TSHZ3: variants seen among roughly 807,000 people sequenced by gnomAD.
TSHZ3 encodes teashirt homolog 3.
TSHZ3 carries 10 observed loss-of-function variants against 64.5 expected under a neutral mutation model. The observed-to-expected ratio is 0.16, with a 90% CI of 0.10 to 0.26. The LOEUF is 0.26. TSHZ3 is among the 10% of genes least tolerant of loss of function. The pLI is 1.00. For missense variants in TSHZ3, 1,242 were observed against 1,421.7 expected (o/e 0.87, Z 2.03); for synonymous variants, 608 against 593.1 (o/e 1.03, Z -0.36).
rs919641786 is a variant in TSHZ3, at chr19:31,186,417, A to C, written n.809+18539T>G. Among the ~76,000 whole-genome samples, 19 of 152,174 alleles carry C rather than the reference A, an allele frequency of 1.2e-4. 2 individuals carry two copies. The highest frequency in any genetic ancestry group is 1.2e-3 in the Admixed American group (19 of 15,278). ...CTCACAAGATCTGAATGGTTTTATA[A>C]GAGGCTTTTCCCCCTTTTGCTCAGC... is the stretch of plus-strand genomic sequence containing the variant. On this transcript the variant is annotated intron_variant and non_coding_transcript_variant, in intron 5 of 6. Coordinates refer to the TSHZ3 transcript ENST00000651361.
chr19:31,206,138 T>C (rs1197281023), intron 4 of TSHZ3, among the ~76,000 whole-genome samples: 1 of 151,766 alleles, frequency 6.6e-6, no homozygotes, highest in East Asian at 1.9e-4. Context: ...GATAAATGAA[T>C]GGATGGATGT....
chr19:31,154,456 G>A (rs992651270), intron 6 of TSHZ3, among the ~76,000 whole-genome samples: 1 of 152,078 alleles, frequency 6.6e-6, no homozygotes, highest in African/African-American at 2.4e-5. Context: ...TGGACAGTAG[G>A]GAATAAAGAA....
rs112667406 is a variant in TSHZ3, at chr19:31,174,062, C to T, written n.810-17645G>A. ...CAGCCTGGGAGACAGAGCGAGACTCCGTCTCAAAAATAAAAACAAACAAAC... is the reference window on the plus strand; with the variant it reads ...CAGCCTGGGAGACAGAGCGAGACTCTGTCTCAAAAATAAAAACAAACAAAC... On this transcript the variant is annotated intron_variant and non_coding_transcript_variant, in intron 5 of 6. Transcript: ENST00000651361. Among the ~76,000 whole-genome samples, 105 of 152,198 alleles carry T rather than the reference C, an allele frequency of 6.9e-4. 1 individual carries two copies. In the South Asian group the frequency reaches 8.3e-3, roughly 12 times the overall value.
chr19:31,181,085 G>T (rs1267618602), intron 5 of TSHZ3, among the ~76,000 whole-genome samples: 1 of 152,060 alleles, frequency 6.6e-6, no homozygotes, highest in Non-Finnish European at 1.5e-5. Flanking sequence ...AGGGCAGGTG[G>T]CTCTCCAGTT....
intron 1 of TSHZ3, among the ~76,000 whole-genome samples, chr19:31,316,931 T>C (rs1243200684): frequency 6.6e-6 from 1 of 152,182 alleles, no homozygotes. Context: ...TATTCTCTGC[T>C]TGCTTTTATT....
In TSHZ3 at chr19:31,178,740, AG is replaced by A. The variant is rs575048693; in HGVS notation, n.810-22324del. Reference sequence around the variant, plus strand: ...TCTTTGCAGGAATTCACAGGGCAAAAGGTACAGAAGGAAACTGTGCTCCAGG... The same window carrying A: ...TCTTTGCAGGAATTCACAGGGCAAAAGTACAGAAGGAAACTGTGCTCCAGG... On this transcript the variant is annotated intron_variant and non_coding_transcript_variant, in intron 5 of 6. Transcript: ENST00000651361. Among the ~76,000 whole-genome samples, 12 of 152,312 alleles carry A rather than the reference AG, an allele frequency of 7.9e-5. No homozygotes were observed. The South Asian group carries it at 2.1e-3, about 26-fold the overall frequency.
At chr19:31,174,837 G>T (rs886915858) in intron 5 of TSHZ3, among the ~76,000 whole-genome samples, 4 of 152,214 alleles carry the variant, frequency 2.6e-5, no homozygotes, top group Non-Finnish European at 5.9e-5. Context: ...GACCAGGAGA[G>T]AGATTGGGAA....
intron 1 of TSHZ3, among the ~76,000 whole-genome samples, chr19:31,338,500 A>G (rs1305751457): frequency 2.0e-5 from 3 of 151,824 alleles, no homozygotes; most frequent in Non-Finnish European, 4.4e-5. Flanking sequence ...CACACTACTA[A>G]CCAAGCCAAC....
chr19:31,286,981 T>G (rs1215905716), intron 1 of TSHZ3, among the ~76,000 whole-genome samples: 1 of 152,212 alleles, frequency 6.6e-6, no homozygotes, highest in African/African-American at 2.4e-5. Flanking sequence ...GAAATTAATA[T>G]GTGTCATATA....
intron 1 of TSHZ3, among the ~76,000 whole-genome samples, chr19:31,348,416 A>C (rs1447223056): frequency 6.6e-6 from 1 of 152,074 alleles, no homozygotes; most frequent in East Asian, 1.9e-4. Flanking sequence ...AAAAGAAAAG[A>C]AAAAAATCGG....
intron 1 of TSHZ3, among the ~76,000 whole-genome samples, chr19:31,248,651 C>T (rs1047957977): frequency 2.0e-5 from 3 of 150,516 alleles, no homozygotes; most frequent in African/African-American, 7.4e-5. Flanking sequence ...ACTAGCAAGG[C>T]ATAGTGGCTT....
chr19:31,333,226 G>A (rs1917147523), intron 1 of TSHZ3, among the ~76,000 whole-genome samples: 1 of 152,184 alleles, frequency 6.6e-6, no homozygotes, highest in African/African-American at 2.4e-5. Context: ...CAGGGCATTT[G>A]TTCCCTCCCA....
chr19:31,258,925 G>A (rs565944523), intron 1 of TSHZ3, among the ~76,000 whole-genome samples: 1 of 152,314 alleles, frequency 6.6e-6, no homozygotes, highest in Admixed American at 6.5e-5. Context: ...AGTCCTCTGT[G>A]AGTCCCGGCA....
rs556862407 is a variant in TSHZ3, at chr19:31,309,643, G to A, written c.41-29891C>T. 2.0e-3 allele frequency among the ~76,000 whole-genome samples: 299 copies of A among 152,284 alleles called. 2 individuals are homozygous for A. The highest frequency in any genetic ancestry group is 6.8e-3 in the African/African-American group (282 of 41,568). On this transcript the variant is annotated intron_variant, in intron 1 of 1. Coordinates refer to ENST00000240587, the MANE Select transcript of TSHZ3 (RefSeq NM_020856.4). The stretch of plus-strand genomic sequence containing the variant: ...ACCAAGGTAGGTAAATGAAACGTGC[G>A]GATAAAGCATGGTACTTTAGTCATC...
chr19:31,333,624 T>C (rs1917160582), intron 1 of TSHZ3, among the ~76,000 whole-genome samples: 1 of 151,742 alleles, frequency 6.6e-6, no homozygotes. Flanking sequence ...AAAACAAACA[T>C]GCTGATGTCA....
intron 1 of TSHZ3, among the ~76,000 whole-genome samples, chr19:31,309,787 G>T (rs151109699): frequency 6.6e-6 from 1 of 152,014 alleles, no homozygotes; most frequent in Non-Finnish European, 1.5e-5. Flanking sequence ...GGAAGCTGTC[G>T]CCAGCTTTCT....
rs146349979 is a variant in TSHZ3, at chr19:31,183,305, A to G, written n.809+21651T>C. Among the ~76,000 whole-genome samples the G allele has an allele frequency of 2.4e-3, 365 of 151,650 alleles. 5 individuals carry two copies. The highest frequency in any genetic ancestry group is 8.6e-3 in the African/African-American group (356 of 41,310). On this transcript the variant is annotated intron_variant and non_coding_transcript_variant, in intron 5 of 6. Coordinates refer to the TSHZ3 transcript ENST00000651361. ...TGTAGGTGCTGTCATAATGACACTGATTCAACACATGCCTTTTCCCTGCAA... is the reference window on the plus strand; with the variant it reads ...TGTAGGTGCTGTCATAATGACACTGGTTCAACACATGCCTTTTCCCTGCAA...
At chr19:31,290,623 CG>C (rs1446952979) in intron 1 of TSHZ3, among the ~76,000 whole-genome samples, 1 of 152,132 alleles carries the variant, frequency 6.6e-6, no homozygotes, top group Non-Finnish European at 1.5e-5. Context: ...CACCTAGAGA[CG>C]CTACCTAGGA....
At chr19:31,323,542 ACC>A (rs1356925171) in intron 1 of TSHZ3, among the ~76,000 whole-genome samples, 3 of 151,860 alleles carry the variant, frequency 2.0e-5, no homozygotes, top group African/African-American at 7.3e-5. Flanking sequence ...TTTGTTGTTC[ACC>A]TCTACACAGC....
Sources: gnomAD v4.1 joint callset for allele counts (sites outside exome capture counted in the v4.1 genomes callset) on GRCh38, gnomAD v4.1.1 for gene constraint, MANE v1.5 for transcripts, NCBI Gene and HGNC (gene_info 2026-07-23, HGNC 2026-07-21) for gene names.